Variants in MYO3B observed in about 807,000 individuals in gnomAD.
MYO3B encodes the protein myosin-IIIb.
MYO3B carries 156 observed loss-of-function variants against 174.6 expected under a neutral mutation model. The observed-to-expected ratio is 0.89, with a 90% CI of 0.78 to 1.02. The LOEUF (loss-of-function observed/expected upper bound fraction) is 1.02, where lower values mean the gene tolerates loss of function less well. MYO3B is among the 50% of genes least tolerant of loss of function. MYO3B has a pLI of 0.00. For synonymous variants in MYO3B, 563 were observed against 569.1 expected (o/e 0.99, Z 0.15); for missense variants, 1,632 against 1,639.4 (o/e 1.00, Z 0.08).
At chr2:170,411,151 C>G (rs1014667967) in intron 22 of MYO3B, among the ~76,000 whole-genome samples, 7 of 152,122 alleles carry the variant, frequency 4.6e-5, no homozygotes, top group Admixed American at 6.5e-5. Context: ...CAAAACAGCC[C>G]CAGGATCACT....
chr2:170,191,309 G>A (rs764102718), intron 1 of MYO3B, among the ~76,000 whole-genome samples: 13 of 151,978 alleles, frequency 8.6e-5, no homozygotes, highest in Admixed American at 7.9e-4. Flanking sequence ...AAGAGGGGTG[G>A]CACAAATACT....
chr2:170,593,585 C>T lies in MYO3B; in HGVS notation c.3733+49597C>T, dbSNP rs1455246370. Among the ~76,000 whole-genome samples the T allele has an allele frequency of 3.3e-5, 5 of 152,214 alleles. No individual in the cohort carries two copies. The East Asian group carries it at 9.6e-4, about 29-fold the overall frequency. On this transcript the variant is annotated intron_variant, in intron 32 of 34. Coordinates refer to ENST00000408978, the MANE Select transcript of MYO3B (RefSeq NM_138995.5). ...GAATATCAGCTAACACTGGCTCTCT[C>T]CTGCCTCTTAGCAAGAGCTGGAGAA...
At position 170,178,152 on chromosome 2, in the gene MYO3B, G is replaced by A. The variant is rs1205980435; in HGVS notation, c.-136G>A. The A allele has an allele frequency of 9.2e-6, 10 of 1,089,236 alleles. No individual in the cohort carries two copies. The highest frequency in any genetic ancestry group is 1.3e-5 in the Non-Finnish European group (9 of 704,170). The allele number at this position is 1,089,236 out of a possible 1,614,324, so 67.5% of individuals were successfully genotyped here. ...GCTAACACCTCTTGGAACCTAGATC[G>A]AAAGTCCTTTGGTAATGATGTGTCA... On this transcript the variant is annotated 5_prime_UTR_variant, in exon 1 of 35. Transcript: ENST00000408978.
chr2:170,266,941 A>G (rs1444141082), intron 7 of MYO3B, among the ~76,000 whole-genome samples: 1 of 152,248 alleles, frequency 6.6e-6, no homozygotes, highest in Non-Finnish European at 1.5e-5. Flanking sequence ...AAAAGTTTAC[A>G]GGTAATTAGA....
chr2:170,611,431 T>C (rs932685283), intron 32 of MYO3B, among the ~76,000 whole-genome samples: 8 of 152,180 alleles, frequency 5.3e-5, no homozygotes, highest in Admixed American at 4.6e-4. Flanking sequence ...ATAACACTTA[T>C]TGCAGCAAAG....
At chr2:170,304,433 T>A (rs953159064) in intron 7 of MYO3B, among the ~76,000 whole-genome samples, 22 of 151,956 alleles carry the variant, frequency 1.4e-4, no homozygotes, top group African/African-American at 5.3e-4. Context: ...TTGTTGCTCA[T>A]TTTTTCACTT....
chr2:170,399,398 C>A (rs1337369916), intron 16 of MYO3B, among the ~76,000 whole-genome samples: 1 of 142,632 alleles, frequency 7.0e-6, no homozygotes, highest in Non-Finnish European at 1.5e-5. Context: ...TGCTTGAACC[C>A]GGGAGGCAGA....
intron 32 of MYO3B, among the ~76,000 whole-genome samples, chr2:170,649,197 A>G (rs1268882513): frequency 7.4e-4 from 41 of 55,080 alleles, no homozygotes; most frequent in Admixed American, 9.8e-4. Flanking sequence ...AATATATATT[A>G]TATATAAAAT....
intron 23 of MYO3B, among the ~76,000 whole-genome samples, chr2:170,444,417 G>A (rs2094825410): frequency 6.6e-6 from 1 of 152,180 alleles, no homozygotes; most frequent in Non-Finnish European, 1.5e-5. Context: ...ACACTCATCT[G>A]TGCAAAGGAG....
intron 33 of MYO3B, 59 bp downstream of exon 33, chr2:170,651,793 GT>G: frequency 7.0e-7 from 1 of 1,421,868 alleles, no homozygotes; most frequent in Non-Finnish European, 1.0e-6. Flanking sequence ...TAATAATTCT[GT>G]TATTACTACC....
intron 30 of MYO3B, among the ~76,000 whole-genome samples, chr2:170,531,932 A>T (rs1035064732): frequency 1.3e-5 from 2 of 152,256 alleles, no homozygotes; most frequent in Non-Finnish European, 2.9e-5. Context: ...TTATGAATGG[A>T]TGCTAACACT....
At chr2:170,535,374 G>T (rs1689621861) in intron 30 of MYO3B, among the ~76,000 whole-genome samples, 1 of 152,182 alleles carries the variant, frequency 6.6e-6, no homozygotes, top group South Asian at 2.1e-4. Context: ...TATAATCTTA[G>T]TAATAGTCCA....
chr2:170,594,821 GCGCGCGCA>G (rs201729764), intron 32 of MYO3B, among the ~76,000 whole-genome samples: 2,744 of 129,738 alleles, frequency 0.021, 35 homozygotes, highest in Middle Eastern at 0.043. Flanking sequence ...CTCTTTCCCA[GCGCGCGCA>G]CACACACACA....
intron 22 of MYO3B, among the ~76,000 whole-genome samples, chr2:170,430,760 A>C (rs1403711147): frequency 6.6e-6 from 1 of 152,250 alleles, no homozygotes; most frequent in Non-Finnish European, 1.5e-5. Flanking sequence ...ATTAAGTATC[A>C]GAAGAATAGT....
intron 32 of MYO3B, 56 bp from the exon 33 acceptor site, chr2:170,651,572 A>T: frequency 7.0e-7 from 1 of 1,429,532 alleles, no homozygotes; most frequent in South Asian, 1.1e-5. Flanking sequence ...GCCATTTTTC[A>T]CTTAATTTTC....
chr2:170,253,700 A>T (rs932457686), intron 7 of MYO3B, among the ~76,000 whole-genome samples: 1 of 152,190 alleles, frequency 6.6e-6, no homozygotes, highest in African/African-American at 2.4e-5. Flanking sequence ...GAGTTTGAGA[A>T]GGAGTAGCCA....
intron 32 of MYO3B, among the ~76,000 whole-genome samples, chr2:170,553,252 C>A (rs1691048317): frequency 6.6e-6 from 1 of 152,190 alleles, no homozygotes; most frequent in African/African-American, 2.4e-5. Flanking sequence ...ATACCTTGCA[C>A]TATGTGCCTA....
chr2:170,186,980 C>T (rs67159198), intron 1 of MYO3B, among the ~76,000 whole-genome samples: 2 of 148,854 alleles, frequency 1.3e-5, no homozygotes, highest in African/African-American at 4.9e-5. Flanking sequence ...TCCTTTTCAT[C>T]TCTGATTATA....
intron 25 of MYO3B, among the ~76,000 whole-genome samples, chr2:170,489,056 G>A (rs750298778): frequency 8.5e-5 from 13 of 152,202 alleles, no homozygotes; most frequent in Non-Finnish European, 2.9e-5. Context: ...GCCTGCCAGA[G>A]TGTCAAAGAT....
Sources: gnomAD v4.1 joint callset for allele counts (sites outside exome capture counted in the v4.1 genomes callset) on GRCh38, gnomAD v4.1.1 for gene constraint, MANE v1.5 for transcripts, NCBI Gene and HGNC (gene_info 2026-07-23, HGNC 2026-07-21) for gene names.